Variants in SLMAP observed in about 807,000 individuals in gnomAD.
SLMAP encodes the protein sarcolemmal membrane-associated protein.
Under a neutral mutation model 128.8 loss-of-function variants are expected in SLMAP, and 44 were observed. That is an observed-to-expected ratio of 0.34 (90% confidence interval 0.27 to 0.44). The LOEUF (loss-of-function observed/expected upper bound fraction) is 0.44, where lower values mean the gene tolerates loss of function less well. Ranked by LOEUF, SLMAP falls within the 20% of genes least tolerant of loss-of-function variation. SLMAP has a pLI of 1.00. For synonymous variants in SLMAP, 327 were observed against 348.8 expected, an observed-to-expected ratio of 0.94 and a Z score of 0.70; for missense variants, 787 against 985.3, an observed-to-expected ratio of 0.80 and a Z score of 2.69.
At chr3:57,900,231 T>C (rs1054398164) in intron 17 of SLMAP, 5 of 152,208 alleles carry the variant, frequency 3.3e-5, no homozygotes, top group African/African-American at 1.2e-4. Context: ...TTTAGATTTA[T>C]TGTGTACGAC....
At chr3:57,841,035 A>G (rs2093910457) in intron 3 of SLMAP, among the ~76,000 whole-genome samples, 1 of 152,346 alleles carries the variant, frequency 6.6e-6, no homozygotes, top group South Asian at 2.1e-4. Flanking sequence ...CATATATTCA[A>G]CTGACTTTTT....
intron 24 of SLMAP, 84 bp from the exon 25 acceptor site, chr3:57,927,212 C>A: frequency 2.8e-6 from 2 of 718,622 alleles, no homozygotes; most frequent in Middle Eastern, 2.5e-4. Flanking sequence ...GTTAAGTATT[C>A]AGGACTCTCT....
intron 2 of SLMAP, among the ~76,000 whole-genome samples, chr3:57,777,732 A>T (rs950236373): frequency 1.1e-4 from 16 of 152,376 alleles, no homozygotes; most frequent in African/African-American, 3.6e-4. Context: ...CAAAAGACAC[A>T]CATAAGAATT....
Position 57,858,152 on chromosome 3 carries a change from G to A in SLMAP, c.680G>A (p.Cys227Tyr). 1.3e-6 allele frequency: 2 copies of A among 1,581,220 alleles called. No individual in the cohort carries two copies. Among genetic ancestry groups the A allele is most frequent in the Non-Finnish European group, 1.7e-6 (2 of 1,150,216 alleles). ...LEVMGNQLQA[C>Y]SKNQTEDSLR... ...GTTATGGGAAACCAATTACAGGCAT[G>A]CTCCAAAGTAGGTATTAACCTCAAA... Residue 227 changes from cysteine (C) to tyrosine (Y), a missense_variant, in exon 8 of 25, where the codon TGC becomes TAC. Physicochemically the swap from Cys to Tyr is radical, Grantham distance 194. Transcript: ENST00000671191.
intron 15 of SLMAP, among the ~76,000 whole-genome samples, chr3:57,892,431 T>C (rs2096104372): frequency 6.6e-6 from 1 of 152,142 alleles, no homozygotes; most frequent in African/African-American, 2.4e-5. Flanking sequence ...GAGGTAGAGG[T>C]AGAAAGAATA....
At chr3:57,887,753 A>G (rs1028220120) in intron 14 of SLMAP, among the ~76,000 whole-genome samples, 41 of 152,230 alleles carry the variant, frequency 2.7e-4, no homozygotes, top group African/African-American at 8.4e-4. Flanking sequence ...CATCAGTCCT[A>G]TGAATCTTCC....
intron 2 of SLMAP, among the ~76,000 whole-genome samples, chr3:57,798,817 A>G (rs2087434731): frequency 6.6e-6 from 1 of 152,166 alleles, no homozygotes. Flanking sequence ...TTATAATATT[A>G]TTTTATTTCA....
chr3:57,791,464 C>T (rs1241791189), intron 2 of SLMAP, among the ~76,000 whole-genome samples: 1 of 152,028 alleles, frequency 6.6e-6, no homozygotes, highest in Non-Finnish European at 1.5e-5. Context: ...ATGTCAAAAC[C>T]CAGAATCTGC....
chr3:57,917,955 T>A (rs780551694), intron 22 of SLMAP: 1 of 152,232 alleles, frequency 6.6e-6, no homozygotes, highest in South Asian at 2.1e-4. Context: ...CAAAGTTGTT[T>A]CTAGAAGATC....
intron 2 of SLMAP, among the ~76,000 whole-genome samples, chr3:57,821,302 G>T (rs2092489269): frequency 6.6e-6 from 1 of 152,090 alleles, no homozygotes. Context: ...AACACATCTA[G>T]AATGTCACTA....
intron 13 of SLMAP, among the ~76,000 whole-genome samples, chr3:57,867,395 G>T (rs1194204027): frequency 1.3e-5 from 2 of 152,082 alleles, no homozygotes; most frequent in African/African-American, 4.8e-5. Context: ...AATAATAGTA[G>T]ACTGTTTTCA....
intron 4 of SLMAP, among the ~76,000 whole-genome samples, chr3:57,845,940 C>G (rs2094222332): frequency 6.6e-6 from 1 of 151,916 alleles, no homozygotes; most frequent in Non-Finnish European, 1.5e-5. Flanking sequence ...CTCCCAGGTT[C>G]AAGTGATTCT....
intron 3 of SLMAP, among the ~76,000 whole-genome samples, chr3:57,839,145 G>A (rs765665691): frequency 2.0e-5 from 3 of 151,814 alleles, no homozygotes; most frequent in Non-Finnish European, 4.4e-5. Flanking sequence ...TAGAGAGTGG[G>A]TCTCACTATG....
At chr3:57,840,525 A>G (rs1229763105) in intron 3 of SLMAP, among the ~76,000 whole-genome samples, 4 of 152,184 alleles carry the variant, frequency 2.6e-5, no homozygotes, top group African/African-American at 9.7e-5. Context: ...CCAGAAAACA[A>G]TTTTTTAAAA....
chr3:57,758,623 T>G (rs991196837), intron 2 of SLMAP, among the ~76,000 whole-genome samples: 1 of 152,250 alleles, frequency 6.6e-6, no homozygotes, highest in Non-Finnish European at 1.5e-5. Flanking sequence ...ATTATAGCAT[T>G]ACTTAAATGT....
intron 3 of SLMAP, among the ~76,000 whole-genome samples, chr3:57,832,737 T>A (rs576619320): frequency 3.7e-4 from 57 of 152,204 alleles, no homozygotes; most frequent in Non-Finnish European, 7.3e-4. Context: ...GCATATACTT[T>A]CACTGGTATT....
chr3:57,774,822 C>G (rs1332946073), intron 2 of SLMAP, among the ~76,000 whole-genome samples: 1 of 151,972 alleles, frequency 6.6e-6, no homozygotes, highest in East Asian at 1.9e-4. Context: ...TTGCGCCCGG[C>G]CAACAGACAA....
At chr3:57,916,224 A>G (rs565165692) in intron 21 of SLMAP, among the ~76,000 whole-genome samples, 9 of 152,198 alleles carry the variant, frequency 5.9e-5, no homozygotes, top group Non-Finnish European at 5.9e-5. Context: ...AATGAATTCA[A>G]TCCTGTTATT....
intron 2 of SLMAP, among the ~76,000 whole-genome samples, chr3:57,784,116 G>A (rs1025545886): frequency 6.6e-6 from 1 of 152,200 alleles, no homozygotes; most frequent in African/African-American, 2.4e-5. Context: ...TGTAGGAGAG[G>A]CAGAGCCACT....
Sources: gnomAD v4.1 joint callset for allele counts (sites outside exome capture counted in the v4.1 genomes callset) on GRCh38, gnomAD v4.1.1 for gene constraint, MANE v1.5 for transcripts, NCBI Gene and HGNC (gene_info 2026-07-23, HGNC 2026-07-21) for gene names.